The following ALDH2 variants were observed in gnomAD, a reference collection of about 807,000 sequenced individuals.
ALDH2 encodes aldehyde dehydrogenase, mitochondrial.
Under a neutral mutation model 59.6 loss-of-function variants are expected in ALDH2, and 44 were observed. The observed-to-expected ratio is 0.74, with a 90% CI of 0.58 to 0.95. The LOEUF is 0.95. Ranked by LOEUF, ALDH2 falls within the 40% of genes least tolerant of loss-of-function variation. The probability of loss-of-function intolerance (pLI) is 0.00; values close to 1 mark genes in which losing one functional copy is unlikely to be tolerated. For missense variants in ALDH2, 570 were observed against 696.3 expected, an observed-to-expected ratio of 0.82 and a Z score of 2.04; for synonymous variants, 291 against 284.0, an observed-to-expected ratio of 1.02 and a Z score of -0.25.
At position 111,792,778 on chromosome 12, in the gene ALDH2, C is replaced by T. The variant is rs1180337830; in HGVS notation, c.1079C>T (p.Pro360Leu). 9.0e-6 allele frequency: 14 copies of T among 1,548,754 alleles called. No individual in the cohort carries two copies. The highest frequency in any genetic ancestry group is 2.4e-5 in the East Asian group (1 of 41,006). ...TTTGATAGCAAGACCGAGCAGGGGC[C>T]GCAGGTGAGCCAGGCAGTGCCGCAG... is the stretch of plus-strand genomic sequence containing the variant. ...NPFDSKTEQG[P>L]QVDETQFKKI... Residue 360 changes from proline (P) to leucine (L), a missense_variant, in exon 9 of 13, where the codon CCG (proline) becomes CTG (leucine). Physicochemically the swap from Pro to Leu is moderately conservative, Grantham distance 98. Transcript: ENST00000261733.
intron 5 of ALDH2, 53 bp from the exon 6 acceptor site, chr12:111,790,381 G>A (rs2068348420): frequency 4.3e-6 from 7 of 1,612,240 alleles, no homozygotes; most frequent in Non-Finnish European, 5.1e-6. Context: ...CTGCTACCCA[G>A]TGTAGTTCTC....
At chr12:111,789,211 G>T (rs1040562565) in intron 4 of ALDH2, among the ~76,000 whole-genome samples, 11 of 150,898 alleles carry the variant, frequency 7.3e-5, no homozygotes, top group African/African-American at 2.7e-4. Flanking sequence ...TAGAGACGGG[G>T]TTTCACCACC....
At chr12:111,782,862 C>T (rs1454241144) in intron 2 of ALDH2, among the ~76,000 whole-genome samples, 1 of 150,376 alleles carries the variant, frequency 6.6e-6, no homozygotes, top group Admixed American at 6.6e-5. Context: ...CCAGCCTGGG[C>T]GACAGAGCGA....
At chr12:111,777,612 G>A (rs192813232) in intron 1 of ALDH2, among the ~76,000 whole-genome samples, 127 of 152,228 alleles carry the variant, frequency 8.3e-4, no homozygotes, top group African/African-American at 3.0e-3. Context: ...CCACGCCCGT[G>A]AGCCCCCATC....
intron 5 of ALDH2, 139 bp from the exon 6 acceptor site, chr12:111,790,295 G>A (rs950896524): frequency 8.2e-6 from 9 of 1,092,016 alleles, no homozygotes; most frequent in East Asian, 4.8e-5. Context: ...TTAAAACCAC[G>A]ATGGATGGAG....
At chr12:111,792,550 GTCC>G (rs761666386) in intron 8 of ALDH2, 45 bp from the exon 9 acceptor site, 43 of 1,581,724 alleles carry the variant, frequency 2.7e-5, no homozygotes, top group Non-Finnish European at 5.1e-6. Flanking sequence ...CAGGGCCAGG[GTCC>G]TCCTCCTCAC....
chr12:111,803,191 T>G (rs1005183816), intron 11 of ALDH2, among the ~76,000 whole-genome samples: 3 of 144,142 alleles, frequency 2.1e-5, no homozygotes, highest in Non-Finnish European at 4.6e-5. Context: ...TCTCAAAAAA[T>G]AATCTCAAAA....
At position 111,790,526 on chromosome 12, in the gene ALDH2, C is replaced by A. The variant is rs777131735; in HGVS notation, c.645C>A (p.Pro215=). ...TGATGAAGGTAGCTGAGCAGACACC[C>A]CTCACCGCCCTCTATGTGGCCAACC... ...VVVMKVAEQT[P]LTALYVANLI... Residue 215 remains proline, a synonymous_variant, in exon 6 of 13, where the codon CCC becomes CCA. Transcript: ENST00000261733. 1.2e-6 allele frequency: 2 copies of A among 1,613,976 alleles called. No individual in the cohort carries two copies. The highest frequency in any genetic ancestry group is 1.7e-6 in the Non-Finnish European group (2 of 1,180,016).
At chr12:111,808,765 T>A (rs1421630333) in intron 12 of ALDH2, among the ~76,000 whole-genome samples, 1 of 151,622 alleles carries the variant, frequency 6.6e-6, no homozygotes, top group Non-Finnish European at 1.5e-5. Flanking sequence ...CCATCCAGTA[T>A]GAGGAGGGAT....
intron 12 of ALDH2, among the ~76,000 whole-genome samples, chr12:111,805,548 C>A (rs973573372): frequency 6.6e-6 from 1 of 152,268 alleles, no homozygotes; most frequent in Admixed American, 6.5e-5. Flanking sequence ...TGGTCTCAAT[C>A]TCCTGGGCTC....
chr12:111,775,183 C>T (rs1329002807), intron 1 of ALDH2, among the ~76,000 whole-genome samples: 2 of 152,208 alleles, frequency 1.3e-5, no homozygotes, highest in African/African-American at 2.4e-5. Context: ...AAGGACACGG[C>T]AGTGTCCCGG....
intron 9 of ALDH2, among the ~76,000 whole-genome samples, chr12:111,794,102 T>C (rs1593081429): frequency 6.8e-6 from 1 of 146,140 alleles, no homozygotes; most frequent in East Asian, 2.1e-4. Context: ...CACTGCAACC[T>C]GTACCTCCTG....
chr12:111,786,279 C>G (rs561987414), intron 4 of ALDH2, among the ~76,000 whole-genome samples: 76 of 152,220 alleles, frequency 5.0e-4, no homozygotes, highest in Non-Finnish European at 9.4e-4. Context: ...CTCTGTTGCC[C>G]AGGCTGGAGT....
At chr12:111,783,078 A>T in intron 2 of ALDH2, 80 bp from the exon 3 acceptor site, 1 of 1,529,720 alleles carries the variant, frequency 6.5e-7, no homozygotes, top group South Asian at 1.2e-5. Context: ...GACCTTCTGG[A>T]TGTGTTTGTA....
At chr12:111,783,894 C>A (rs1241789419) in intron 3 of ALDH2, among the ~76,000 whole-genome samples, 2 of 152,110 alleles carry the variant, frequency 1.3e-5, no homozygotes, top group East Asian at 3.9e-4. Flanking sequence ...AGGAGAGAGA[C>A]CCCTGGGAAT....
intron 11 of ALDH2, among the ~76,000 whole-genome samples, chr12:111,802,820 C>T (rs889654362): frequency 1.2e-4 from 18 of 144,938 alleles, no homozygotes; most frequent in African/African-American, 3.6e-4. Context: ...GCGGAGCTTG[C>T]GGTGAGCCGA....
intron 12 of ALDH2, among the ~76,000 whole-genome samples, chr12:111,804,636 A>T (rs181265686): frequency 6.6e-6 from 1 of 151,924 alleles, no homozygotes; most frequent in African/African-American, 2.4e-5. Flanking sequence ...AATCCCAGCT[A>T]CTCAGGAGGC....
chr12:111,775,157 A>G (rs1233350954), intron 1 of ALDH2, among the ~76,000 whole-genome samples: 1 of 152,160 alleles, frequency 6.6e-6, no homozygotes, highest in African/African-American at 2.4e-5. Context: ...CAGCAAGTCT[A>G]TTACCCCCAC....
rs34196571 is a variant in ALDH2, at chr12:111,814,834, CA to C, written c.*5277del. On this transcript the variant is annotated 3_prime_UTR_variant, in exon 13 of 13. Coordinates refer to ENST00000261733, the MANE Select transcript of ALDH2 (RefSeq NM_000690.4). ...TGGGTGACACAGAGAGACTCTGTCT[CA>C]AAAAAAAAAAAAAAAAAGTAAATGC... is the stretch of plus-strand genomic sequence containing the variant. The C allele has an allele frequency of 0.14, 10,835 of 75,622 alleles. 1,469 individuals carry two copies. Among genetic ancestry groups the C allele is most frequent in the East Asian group, 0.68 (3,090 of 4,566 alleles). 4.7% of individuals were successfully genotyped at this position (75,622 alleles called of 1,614,324 possible). A position where few individuals can be genotyped will look rare whatever the true frequency, so the allele number is the denominator to read the frequency against.
Sources: allele counts gnomAD v4.1 joint callset (sites outside exome capture counted in the v4.1 genomes callset), GRCh38; gene constraint gnomAD v4.1.1; transcripts MANE v1.5; gene names NCBI Gene and HGNC (gene_info 2026-07-23, HGNC 2026-07-21).